Variants in HACE1 observed in about 807,000 individuals in gnomAD.
HACE1 encodes HECT domain and ankyrin repeat containing E3 ubiquitin protein ligase 1.
A neutral mutation model predicts 118.4 loss-of-function variants in HACE1; 73 were observed. The observed-to-expected ratio is 0.62, with a 90% CI of 0.51 to 0.75. The LOEUF (loss-of-function observed/expected upper bound fraction) is 0.75. Ranked by LOEUF, HACE1 falls within the 30% of genes least tolerant of loss-of-function variation. The pLI is 0.00. For synonymous variants in HACE1, 368 were observed against 374.8 expected (o/e 0.98, Z 0.21); for missense variants, 749 against 1,102.2 (o/e 0.68, Z 4.54).
intron 5 of HACE1, among the ~76,000 whole-genome samples, chr6:104,841,182 A>G (rs1159515506): frequency 4.6e-5 from 7 of 151,744 alleles, no homozygotes; most frequent in African/African-American, 1.7e-4. Flanking sequence ...GAGGTTGGGG[A>G]GGAAGGCCAA....
At chr6:104,736,662 C>T (rs559096293) in intron 22 of HACE1, among the ~76,000 whole-genome samples, 3 of 152,162 alleles carry the variant, frequency 2.0e-5, no homozygotes, top group South Asian at 2.1e-4. Context: ...AATAATTCCT[C>T]GTTTTAGTTA....
intron 6 of HACE1, among the ~76,000 whole-genome samples, chr6:104,812,534 G>C (rs1350101341): frequency 6.6e-6 from 1 of 151,864 alleles, no homozygotes; most frequent in African/African-American, 2.4e-5. Flanking sequence ...TTTAAACAAA[G>C]TACAATGTCA....
intron 7 of HACE1, among the ~76,000 whole-genome samples, chr6:104,809,027 T>C (rs1771318960): frequency 6.6e-6 from 1 of 152,198 alleles, no homozygotes; most frequent in African/African-American, 2.4e-5. Flanking sequence ...AGACTAACCA[T>C]AGGGATATCC....
intron 2 of HACE1, among the ~76,000 whole-genome samples, chr6:104,851,929 A>G (rs1776247956): frequency 6.6e-6 from 1 of 152,222 alleles, no homozygotes; most frequent in East Asian, 1.9e-4. Flanking sequence ...GAACACAAAA[A>G]TAAGTAGCAC....
intron 12 of HACE1, 66 bp downstream of exon 12, chr6:104,784,919 C>T: frequency 9.8e-7 from 1 of 1,018,158 alleles, no homozygotes; most frequent in Non-Finnish European, 1.5e-6. Flanking sequence ...TTTGAAATTA[C>T]AAAAGTATCA....
rs1777074149 is a variant in HACE1 at position 104,743,607 on chromosome 6, G to C, written c.2513+553C>G. ...CTTTCAGAAATACAAGCTAAAAGAT[G>C]GTTAAATCATCTAGTTTTCTAATAT... On this transcript the variant is annotated intron_variant, in intron 22 of 23. Transcript: ENST00000262903. 4.0e-5 allele frequency among the ~76,000 whole-genome samples: 6 copies of C among 151,832 alleles called. No homozygotes were observed. In the South Asian group the frequency reaches 1.3e-3, roughly 32 times the overall value.
chr6:104,814,384 C>A (rs1771909137), intron 6 of HACE1, among the ~76,000 whole-genome samples: 1 of 138,168 alleles, frequency 7.2e-6, no homozygotes, highest in Non-Finnish European at 1.6e-5. Context: ...AGGTAAAAAG[C>A]CTTCAAAATT....
intron 7 of HACE1, among the ~76,000 whole-genome samples, chr6:104,803,649 C>T (rs146531508): frequency 0.18 from 27,184 of 151,980 alleles, 2,619 homozygotes; most frequent in African/African-American, 0.25. Flanking sequence ...AAAAGGCCTT[C>T]GACAAAATTC....
At chr6:104,849,651 A>ATTTTTTTTT (rs10640271) in intron 3 of HACE1, among the ~76,000 whole-genome samples, 1 of 145,970 alleles carries the variant, frequency 6.9e-6, no homozygotes. Flanking sequence ...CCTTAAACAC[A>ATTTTTTTTT]TTTTTTTTTT....
At chr6:104,736,725 T>C (rs928785652) in intron 22 of HACE1, among the ~76,000 whole-genome samples, 1 of 152,192 alleles carries the variant, frequency 6.6e-6, no homozygotes, top group African/African-American at 2.4e-5. Flanking sequence ...ATCATAAAAA[T>C]ACTGCTTACT....
rs1298536690 is a variant in HACE1 at position 104,826,243 on chromosome 6, G to A, written c.534+6799C>T. Among the ~76,000 whole-genome samples, 4 of 152,208 alleles carry A rather than the reference G, an allele frequency of 2.6e-5. No individual in the cohort carries two copies. The East Asian group carries it at 7.7e-4, about 29-fold the overall frequency. ...AGTGCCAAAAAGGTTAGAGACCACT[G>A]CTCTAAATTATGTGCTATGCACGAC... On this transcript the variant is annotated intron_variant, in intron 6 of 23. Transcript: ENST00000262903.
chr6:104,806,868 G>A (rs1298765717), intron 7 of HACE1, among the ~76,000 whole-genome samples: 1 of 151,938 alleles, frequency 6.6e-6, no homozygotes, highest in African/African-American at 2.4e-5. Flanking sequence ...CCCTAACTTT[G>A]GACTCTTTCA....
chr6:104,763,691 G>C lies in HACE1; in HGVS notation c.2211+7502C>G, dbSNP rs573401423. Reference sequence around the variant, plus strand: ...AGGCATCACCAGAATATCTGTGCCAGCTGTTAAACAGAAGCAACAAACAGC... The same window carrying C: ...AGGCATCACCAGAATATCTGTGCCACCTGTTAAACAGAAGCAACAAACAGC... On this transcript the variant is annotated intron_variant, in intron 19 of 23. Coordinates refer to ENST00000262903, the MANE Select transcript of HACE1 (RefSeq NM_020771.4). Among the ~76,000 whole-genome samples the C allele has an allele frequency of 6.0e-4, 91 of 152,246 alleles. 1 individual carries two copies. The highest frequency in any genetic ancestry group is 6.5e-4 in the Non-Finnish European group (44 of 68,010).
At chr6:104,859,261 G>A in intron 1 of HACE1, 3 of 354,652 alleles carry the variant, frequency 8.5e-6, no homozygotes, top group Non-Finnish European at 1.5e-5. Flanking sequence ...TCGGGCCTCC[G>A]GCTGGTATTC....
chr6:104,737,863 C>A (rs1776099416), intron 22 of HACE1, among the ~76,000 whole-genome samples: 1 of 152,206 alleles, frequency 6.6e-6, no homozygotes, highest in Non-Finnish European at 1.5e-5. Flanking sequence ...GTAGGCTCCA[C>A]CTCTGGGGGC....
At position 104,757,671 on chromosome 6, in the gene HACE1, G is replaced by A. The variant is rs900105456; in HGVS notation, c.2212-7199C>T. Among the ~76,000 whole-genome samples the A allele has an allele frequency of 2.6e-5, 4 of 152,138 alleles. 1 individual carries two copies. The highest frequency in any genetic ancestry group is 2.6e-4 in the Admixed American group (4 of 15,268). On this transcript the variant is annotated intron_variant, in intron 19 of 23. Transcript: ENST00000262903. ...GGAACACAACTCCTGGCCAGCAATG[G>A]AACAAAACTGGATGGAGAATGAGTT...
At chr6:104,769,371 G>C (rs1780374590) in intron 19 of HACE1, among the ~76,000 whole-genome samples, 1 of 152,072 alleles carries the variant, frequency 6.6e-6, no homozygotes, top group African/African-American at 2.4e-5. Context: ...AACCTCACCA[G>C]ATATAGTATT....
chr6:104,770,889 A>G (rs1028423024), intron 19 of HACE1, among the ~76,000 whole-genome samples: 1 of 152,184 alleles, frequency 6.6e-6, no homozygotes, highest in Non-Finnish European at 1.5e-5. Flanking sequence ...ATTTTTGCAA[A>G]TATCTTCATT....
intron 5 of HACE1, among the ~76,000 whole-genome samples, chr6:104,834,465 G>A (rs1774327755): frequency 6.6e-6 from 1 of 151,952 alleles, no homozygotes; most frequent in South Asian, 2.1e-4. Flanking sequence ...TAAAACTCTG[G>A]ACTATGCTAT....
Sources: allele counts gnomAD v4.1 joint callset (sites outside exome capture counted in the v4.1 genomes callset), GRCh38; gene constraint gnomAD v4.1.1; transcripts MANE v1.5; gene names NCBI Gene and HGNC (gene_info 2026-07-23, HGNC 2026-07-21).